The following GMDS variants were observed in gnomAD, a reference collection of about 807,000 sequenced individuals.
GMDS encodes GDP-mannose 4,6-dehydratase.
In GMDS, 20 loss-of-function variants were observed where a neutral mutation model predicts 49.9. That is an observed-to-expected ratio of 0.40 (90% CI 0.28 to 0.58). GMDS has a LOEUF of 0.58. Among genes scored for constraint, GMDS ranks in the 20% least tolerant of loss-of-function variants. The pLI is 0.42. For synonymous variants in GMDS, 177 were observed against 178.6 expected (o/e 0.99, Z 0.07); for missense variants, 362 against 481.4 (o/e 0.75, Z 2.32).
At chr6:1,630,454 G>A (rs1302683882) in intron 9 of GMDS, among the ~76,000 whole-genome samples, 4 of 152,224 alleles carry the variant, frequency 2.6e-5, no homozygotes, top group African/African-American at 9.6e-5. Flanking sequence ...TCCTGAGTGG[G>A]GCCCAGCCCA....
intron 6 of GMDS, 131 bp from the exon 7 acceptor site, chr6:1,930,361 T>C (rs1762233796): frequency 1.6e-6 from 1 of 619,680 alleles, no homozygotes; most frequent in Non-Finnish European, 2.7e-6. Flanking sequence ...GTTAAAACAA[T>C]AAAAGAAAAG....
chr6:2,051,612 T>C (rs1468929706), intron 4 of GMDS, among the ~76,000 whole-genome samples: 1 of 152,212 alleles, frequency 6.6e-6, no homozygotes, highest in Non-Finnish European at 1.5e-5. Context: ...GTAATGTTCC[T>C]TTCTCTAACT....
intron 4 of GMDS, among the ~76,000 whole-genome samples, chr6:2,050,550 C>A (rs1196278184): frequency 2.0e-5 from 3 of 152,172 alleles, no homozygotes. Context: ...CATCCTAATA[C>A]CAAAGCATAG....
intron 4 of GMDS, among the ~76,000 whole-genome samples, chr6:2,083,391 T>C (rs539967062): frequency 6.6e-6 from 1 of 152,260 alleles, no homozygotes; most frequent in East Asian, 1.9e-4. Context: ...TCGTCAAGTA[T>C]CTAAGGCAGC....
intron 9 of GMDS, among the ~76,000 whole-genome samples, chr6:1,717,970 T>C (rs968964252): frequency 2.8e-4 from 43 of 152,322 alleles, no homozygotes; most frequent in Non-Finnish European, 2.8e-4. Context: ...TTAATGTAAC[T>C]CTTTGATATT....
At chr6:2,235,985 C>A (rs1169443022) in intron 1 of GMDS, among the ~76,000 whole-genome samples, 1 of 152,178 alleles carries the variant, frequency 6.6e-6, no homozygotes, top group African/African-American at 2.4e-5. Context: ...TTATTGGCTA[C>A]TATCTTTCCT....
At chr6:2,234,523 C>T (rs1439468242) in intron 1 of GMDS, among the ~76,000 whole-genome samples, 1 of 152,084 alleles carries the variant, frequency 6.6e-6, no homozygotes, top group African/African-American at 2.4e-5. Context: ...GCAGGAGAAT[C>T]ACTTGAACCC....
chr6:1,859,246 C>T (rs1758078206), intron 7 of GMDS, among the ~76,000 whole-genome samples: 1 of 152,120 alleles, frequency 6.6e-6, no homozygotes, highest in African/African-American at 2.4e-5. Flanking sequence ...GCTACTTCGG[C>T]GCTGCTGACA....
chr6:1,825,731 G>A (rs759436678), intron 7 of GMDS, among the ~76,000 whole-genome samples: 1 of 152,208 alleles, frequency 6.6e-6, no homozygotes, highest in Non-Finnish European at 1.5e-5. Flanking sequence ...GAAAATGGCT[G>A]GGTGCCATGG....
chr6:2,182,410 A>T (rs556284183), intron 1 of GMDS, among the ~76,000 whole-genome samples: 5 of 152,376 alleles, frequency 3.3e-5, no homozygotes, highest in African/African-American at 1.2e-4. Flanking sequence ...CAATGTAGAC[A>T]AAACAGTCTT....
chr6:2,140,635 C>T (rs1776239576), intron 1 of GMDS, among the ~76,000 whole-genome samples: 2 of 152,298 alleles, frequency 1.3e-5, no homozygotes, highest in South Asian at 4.1e-4. Context: ...AAAGCATGCA[C>T]CTTTTAGCAT....
chr6:1,757,416 A>C (rs1488972890), intron 7 of GMDS, among the ~76,000 whole-genome samples: 1 of 152,222 alleles, frequency 6.6e-6, no homozygotes, highest in African/African-American at 2.4e-5. Context: ...TTCTAGAATT[A>C]GTTCCTGGCC....
intron 1 of GMDS, among the ~76,000 whole-genome samples, chr6:2,140,859 T>C (rs1776248508): frequency 6.6e-6 from 1 of 152,192 alleles, no homozygotes; most frequent in South Asian, 2.1e-4. Flanking sequence ...AGTAGCAGAA[T>C]GCATTGCTTT....
At chr6:1,782,531 C>G (rs968256485) in intron 7 of GMDS, among the ~76,000 whole-genome samples, 1 of 152,174 alleles carries the variant, frequency 6.6e-6, no homozygotes, top group African/African-American at 2.4e-5. Context: ...GAAAATGGGA[C>G]CATCTTCAAA....
At chr6:1,661,131 G>A (rs1022235615) in intron 9 of GMDS, among the ~76,000 whole-genome samples, 1 of 152,232 alleles carries the variant, frequency 6.6e-6, no homozygotes, top group Middle Eastern at 3.4e-3. Context: ...CAGTCCTCTC[G>A]GCTTCTGGAA....
At chr6:2,196,749 C>G (rs1227847174) in intron 1 of GMDS, among the ~76,000 whole-genome samples, 1 of 152,184 alleles carries the variant, frequency 6.6e-6, no homozygotes, top group Non-Finnish European at 1.5e-5. Context: ...AAAGTACACT[C>G]TGTTACCAAG....
chr6:2,054,205 C>T (rs1012476062), intron 4 of GMDS, among the ~76,000 whole-genome samples: 13 of 151,958 alleles, frequency 8.6e-5, no homozygotes, highest in African/African-American at 2.9e-4. Context: ...GAAACATCTG[C>T]GGGTATTAAA....
intron 7 of GMDS, among the ~76,000 whole-genome samples, chr6:1,904,807 C>A (rs1760674277): frequency 6.6e-6 from 1 of 152,198 alleles, no homozygotes; most frequent in Non-Finnish European, 1.5e-5. Context: ...TGACTGCTGA[C>A]AAAGCCCTGT....
chr6:1,980,697 A>T (rs935127491), intron 4 of GMDS, among the ~76,000 whole-genome samples: 11 of 152,208 alleles, frequency 7.2e-5, no homozygotes, highest in African/African-American at 2.4e-4. Flanking sequence ...CTGGATCAAG[A>T]GGATCTGATA....
Sources: allele counts gnomAD v4.1 joint callset (sites outside exome capture counted in the v4.1 genomes callset), GRCh38; gene constraint gnomAD v4.1.1; transcripts MANE v1.5; gene names NCBI Gene and HGNC (gene_info 2026-07-23, HGNC 2026-07-21).